The following TMCC1 variants were observed in gnomAD, a reference collection of about 807,000 sequenced individuals.
The protein encoded by TMCC1 is transmembrane and coiled-coil domains protein 1.
In TMCC1, 15 loss-of-function variants were observed where a neutral mutation model predicts 52.4. The observed-to-expected ratio is 0.29, with a 90% CI of 0.19 to 0.44. The LOEUF (loss-of-function observed/expected upper bound fraction) is 0.44. Among genes scored for constraint, TMCC1 ranks in the 20% least tolerant of loss-of-function variants. The pLI, the probability that TMCC1 is intolerant of heterozygous loss-of-function variation, is 1.00. For missense variants in TMCC1, 503 were observed against 806.0 expected (o/e 0.62, Z 4.55); for synonymous variants, 279 against 301.9 (o/e 0.92, Z 0.79).
chr3:129,668,406 T>C (rs920982721), intron 5 of TMCC1, among the ~76,000 whole-genome samples: 2 of 152,116 alleles, frequency 1.3e-5, no homozygotes, highest in Non-Finnish European at 2.9e-5. Flanking sequence ...TAAAGAACTA[T>C]TACTATTTCT....
At chr3:129,771,335 G>C (rs1242387814) in intron 4 of TMCC1, among the ~76,000 whole-genome samples, 2 of 152,160 alleles carry the variant, frequency 1.3e-5, no homozygotes, top group African/African-American at 2.4e-5. Context: ...GCCCATATTT[G>C]AAAAATAAGG....
chr3:129,793,108 T>C (rs1031139102), intron 4 of TMCC1, among the ~76,000 whole-genome samples: 1 of 151,930 alleles, frequency 6.6e-6, no homozygotes, highest in Non-Finnish European at 1.5e-5. Context: ...CTGGAGGACA[T>C]TGAAAGAGCA....
At position 129,828,190 on chromosome 3, in the gene TMCC1, T is replaced by C. The variant is rs1472429074; in HGVS notation, c.189A>G (p.Ser63=). The change falls in exon 4 of 7, where the codon TCA becomes TCG. Residue 63 remains serine, a synonymous_variant. Coordinates refer to ENST00000393238, the MANE Select transcript of TMCC1 (RefSeq NM_001017395.5). This position sits in a 1 kb window ranked among gnomAD's most constrained non-coding sequence, Gnocchi z 4.1. ...GCTGCACATCATGTGGAGACACTGA[T>C]GACCTCCTGCGCTGGTGCTGGAAGA... ...KHLFQHQRRR[S]SVSPHDVQQI... is the part of the protein sequence containing the mutation. The C allele has an allele frequency of 1.2e-6, 2 of 1,614,070 alleles. No homozygotes were observed. Among genetic ancestry groups the C allele is most frequent in the African/African-American group, 2.7e-5 (2 of 74,930 alleles).
At chr3:129,815,603 G>C (rs962080626) in intron 4 of TMCC1, among the ~76,000 whole-genome samples, 2 of 151,986 alleles carry the variant, frequency 1.3e-5, no homozygotes, top group Admixed American at 6.6e-5. Flanking sequence ...AAATCAAAAG[G>C]GATTAACAAC....
intron 4 of TMCC1, among the ~76,000 whole-genome samples, chr3:129,815,084 C>G (rs2107802594): frequency 6.6e-6 from 1 of 152,062 alleles, no homozygotes; most frequent in Middle Eastern, 3.4e-3. Flanking sequence ...AACACTTCAC[C>G]CAATTGCTGC....
At chr3:129,664,521 A>C (rs967614572) in intron 5 of TMCC1, among the ~76,000 whole-genome samples, 1 of 152,138 alleles carries the variant, frequency 6.6e-6, no homozygotes, top group Non-Finnish European at 1.5e-5. Context: ...CCCCGGGTTT[A>C]ATACAAACTT....
At chr3:129,768,988 A>C (rs1236612566) in intron 4 of TMCC1, among the ~76,000 whole-genome samples, 26 of 152,198 alleles carry the variant, frequency 1.7e-4, no homozygotes. Context: ...CAGAGTTCAC[A>C]ATATCGTAAG....
intron 4 of TMCC1, among the ~76,000 whole-genome samples, chr3:129,823,707 C>T (rs1018508680): frequency 2.6e-5 from 4 of 152,120 alleles, no homozygotes; most frequent in Non-Finnish European, 5.9e-5. Flanking sequence ...CCTATCCCTC[C>T]GTCTATCTAT....
At chr3:129,735,258 T>TATTAAC (rs1403721196) in intron 4 of TMCC1, among the ~76,000 whole-genome samples, 4 of 152,134 alleles carry the variant, frequency 2.6e-5, no homozygotes, top group Non-Finnish European at 5.9e-5. Flanking sequence ...TGAGAACATA[T>TATTAAC]ATACATTACA....
intron 4 of TMCC1, among the ~76,000 whole-genome samples, chr3:129,813,187 A>C (rs957010463): frequency 6.6e-6 from 1 of 152,228 alleles, no homozygotes; most frequent in Non-Finnish European, 1.5e-5. Context: ...TTGTGGAGAA[A>C]AGAGAACACT....
intron 2 of TMCC1, among the ~76,000 whole-genome samples, chr3:129,857,832 G>C (rs2060212231): frequency 6.6e-6 from 1 of 152,194 alleles, no homozygotes; most frequent in South Asian, 2.1e-4. Context: ...CAAAGTGCTG[G>C]GATTACAGGC....
intron 4 of TMCC1, among the ~76,000 whole-genome samples, chr3:129,782,411 G>A (rs2055607556): frequency 6.6e-6 from 1 of 152,160 alleles, no homozygotes; most frequent in Non-Finnish European, 1.5e-5. Context: ...AGGAGGGAAA[G>A]ATCAAGATGT....
intron 4 of TMCC1, among the ~76,000 whole-genome samples, chr3:129,692,292 T>C (rs1459602966): frequency 6.6e-6 from 1 of 152,238 alleles, no homozygotes; most frequent in East Asian, 1.9e-4. Context: ...GCTGACAAGC[T>C]TTTTATATCA....
chr3:129,739,780 T>C (rs2051299817), intron 4 of TMCC1, among the ~76,000 whole-genome samples: 1 of 152,232 alleles, frequency 6.6e-6, no homozygotes, highest in African/African-American at 2.4e-5. Flanking sequence ...CCACTATTAG[T>C]TTCCTTTACA....
chr3:129,713,638 A>G (rs929620785), intron 4 of TMCC1, among the ~76,000 whole-genome samples: 2 of 151,490 alleles, frequency 1.3e-5, no homozygotes, highest in Non-Finnish European at 1.5e-5. Context: ...GCTTGAGCCC[A>G]GGAGTTCAAG....
chr3:129,674,509 G>C (rs1264205553), intron 4 of TMCC1, among the ~76,000 whole-genome samples: 2 of 152,128 alleles, frequency 1.3e-5, no homozygotes, highest in Admixed American at 1.3e-4. Flanking sequence ...AAGGGGAGGG[G>C]AAGAGAGGAG....
At chr3:129,719,074 C>T (rs1489488651) in intron 4 of TMCC1, among the ~76,000 whole-genome samples, 10 of 152,116 alleles carry the variant, frequency 6.6e-5, no homozygotes, top group African/African-American at 9.7e-5. Flanking sequence ...GCTAATAAGA[C>T]GGCTGATGGT....
At chr3:129,754,647 T>C (rs1398660794) in intron 4 of TMCC1, among the ~76,000 whole-genome samples, 1 of 152,186 alleles carries the variant, frequency 6.6e-6, no homozygotes, top group African/African-American at 2.4e-5. Context: ...TGATGGAAAA[T>C]TTGTATGTCA....
intron 2 of TMCC1, among the ~76,000 whole-genome samples, chr3:129,859,473 T>C (rs138557926): frequency 8.6e-5 from 13 of 151,966 alleles, no homozygotes; most frequent in Non-Finnish European, 1.9e-4. Context: ...CCCATCTCTA[T>C]GAAGAATACA....
Sources: allele counts gnomAD v4.1 joint callset (sites outside exome capture counted in the v4.1 genomes callset), GRCh38; gene constraint gnomAD v4.1.1; non-coding constraint Gnocchi (gnomAD v3.1); transcripts MANE v1.5; gene names NCBI Gene and HGNC (gene_info 2026-07-23, HGNC 2026-07-21).